The following CPEB3 variants were observed in gnomAD, a reference collection of about 807,000 sequenced individuals.
The protein encoded by CPEB3 is cytoplasmic polyadenylation element-binding protein 3.
Under a neutral mutation model 67.2 loss-of-function variants are expected in CPEB3, and 20 were observed. The ratio of observed to expected loss-of-function variants is 0.30; its 90% CI spans 0.21 to 0.43. CPEB3 has a LOEUF of 0.43. Ranked by LOEUF, CPEB3 falls within the 20% of genes least tolerant of loss-of-function variation. CPEB3 has a pLI of 1.00. For synonymous variants in CPEB3, 376 were observed against 393.1 expected, an observed-to-expected ratio of 0.96 and a Z score of 0.51; for missense variants, 746 against 968.6, an observed-to-expected ratio of 0.77 and a Z score of 3.05.
At chr10:92,158,318 T>C (rs1847302948) in intron 4 of CPEB3, among the ~76,000 whole-genome samples, 2 of 152,296 alleles carry the variant, frequency 1.3e-5, no homozygotes, top group Admixed American at 6.5e-5. Flanking sequence ...ATACAATGGA[T>C]GTTTCAGAAG....
At chr10:92,079,983 G>C (rs1280356574) in intron 9 of CPEB3, among the ~76,000 whole-genome samples, 1 of 151,562 alleles carries the variant, frequency 6.6e-6, no homozygotes, top group East Asian at 1.9e-4. Flanking sequence ...GGTGGATCAC[G>C]AGGTCAGGAG....
chr10:92,138,738 C>T (rs1042434265), intron 6 of CPEB3, among the ~76,000 whole-genome samples: 5 of 152,248 alleles, frequency 3.3e-5, no homozygotes, highest in African/African-American at 4.8e-5. Context: ...AACACTTGTA[C>T]GCTGTTGGTG....
chr10:92,098,915 G>A (rs1844032503), intron 7 of CPEB3, among the ~76,000 whole-genome samples: 1 of 151,726 alleles, frequency 6.6e-6, no homozygotes, highest in Non-Finnish European at 1.5e-5. Flanking sequence ...GGGATTACAG[G>A]CGCCTGCCCC....
chr10:92,258,942 G>A (rs990548012), intron 1 of CPEB3, among the ~76,000 whole-genome samples: 1 of 151,032 alleles, frequency 6.6e-6, no homozygotes, highest in Non-Finnish European at 1.5e-5. Context: ...ACAGGCACGA[G>A]CCACCACGCC....
At chr10:92,254,353 A>AAT (rs1419272415) in intron 1 of CPEB3, among the ~76,000 whole-genome samples, 3 of 152,194 alleles carry the variant, frequency 2.0e-5, no homozygotes, top group African/African-American at 4.8e-5. Flanking sequence ...AAATGTTAAA[A>AAT]GCTAAGGCAA....
chr10:92,053,544 CTT>C (rs774865830), intron 9 of CPEB3, among the ~76,000 whole-genome samples: 9 of 108,054 alleles, frequency 8.3e-5, no homozygotes, highest in Admixed American at 9.8e-5. Flanking sequence ...TTTTCTTTTT[CTT>C]TTTTTTTTTT....
chr10:92,257,927 G>A (rs981110641), intron 1 of CPEB3, among the ~76,000 whole-genome samples: 6 of 151,570 alleles, frequency 4.0e-5, no homozygotes, highest in African/African-American at 2.4e-5. Context: ...ATGGGGTTTC[G>A]CCATGTTGGC....
chr10:92,192,737 T>A lies in CPEB3; in HGVS notation c.1006-101A>T, dbSNP rs961220212. On this transcript the variant is annotated intron_variant, in intron 2 of 9. Transcript: ENST00000265997. Reference sequence around the variant, plus strand: ...TGTGGATTGATGACATGAATGAAAGTTACAGAGAGCCCCAACAGCATACAG... The same window carrying A: ...TGTGGATTGATGACATGAATGAAAGATACAGAGAGCCCCAACAGCATACAG... 3.6e-6 allele frequency: 3 copies of A among 822,334 alleles called. No homozygotes were observed. The African/African-American group carries it at 5.2e-5, about 14-fold the overall frequency. The allele number at this position is 822,334 out of a possible 1,614,324, so 50.9% of individuals were successfully genotyped here. A position where few individuals can be genotyped will look rare whatever the true frequency, so the allele number is the denominator to read the frequency against.
chr10:92,099,071 C>G (rs529936377), intron 7 of CPEB3, among the ~76,000 whole-genome samples: 22 of 151,586 alleles, frequency 1.5e-4, no homozygotes, highest in Admixed American at 5.9e-4. Flanking sequence ...CATGCCTAGC[C>G]CAGTTTGAAA....
At chr10:92,134,020 AAAT>A (rs1845970720) in intron 6 of CPEB3, among the ~76,000 whole-genome samples, 1 of 152,194 alleles carries the variant, frequency 6.6e-6, no homozygotes, top group Admixed American at 6.5e-5. Flanking sequence ...ACATATCTCA[AAAT>A]AATAAGAGCT....
rs1176273564 is a variant in CPEB3 at position 92,239,691 on chromosome 10, C to T, written c.660G>A (p.Pro220=). The T allele has an allele frequency of 6.4e-7, 1 of 1,570,456 alleles. No homozygotes were observed. The highest frequency in any genetic ancestry group is 1.8e-5 in the Admixed American group (1 of 54,442). Residue 220 remains proline, a synonymous_variant, in exon 2 of 10, where the codon CCG becomes CCA. Coordinates refer to ENST00000265997, the MANE Select transcript of CPEB3 (RefSeq NM_014912.5). The surrounding 1 kb of genome is among the most constrained non-coding windows in gnomAD (Gnocchi z 6.0). Reference sequence around the variant, plus strand: ...CGGCTGCAACCGCCGAAGACGAGGACGGCTTGCTGGTCATGATGGGCTGGT... The same window carrying T: ...CGGCTGCAACCGCCGAAGACGAGGATGGCTTGCTGGTCATGATGGGCTGGT... The part of the protein sequence containing the change: ...YGHQPIMTSK[P]SSSSAVAAAA...
In CPEB3 at chr10:92,289,499, G is replaced by A. The variant is rs186770056; in HGVS notation, c.-12+1427C>T. On this transcript the variant is annotated intron_variant, in intron 1 of 9. Transcript: ENST00000265997. ...GGAGCTTGCAGTGAGTCAAGACAGC[G>A]CCACTGCACTCCAGCCTGGGCAACA... Among the ~76,000 whole-genome samples the A allele has an allele frequency of 3.7e-3, 561 of 151,714 alleles. 3 individuals are homozygous for A. The highest frequency in any genetic ancestry group is 0.013 in the African/African-American group (523 of 41,326).
intron 1 of CPEB3, among the ~76,000 whole-genome samples, chr10:92,286,928 T>C (rs896635266): frequency 3.3e-4 from 50 of 152,220 alleles, no homozygotes; most frequent in Non-Finnish European, 5.9e-4. Flanking sequence ...CATTACAGAA[T>C]TATTAAAATA....
intron 4 of CPEB3, among the ~76,000 whole-genome samples, chr10:92,161,560 A>G (rs1451784968): frequency 2.0e-5 from 3 of 152,050 alleles, no homozygotes; most frequent in Non-Finnish European, 4.4e-5. Context: ...GGCATGAGCC[A>G]CCGCGCCCAG....
At chr10:92,143,418 T>C (rs1846532741) in intron 5 of CPEB3, among the ~76,000 whole-genome samples, 2 of 152,210 alleles carry the variant, frequency 1.3e-5, no homozygotes, top group Non-Finnish European at 2.9e-5. Flanking sequence ...GTGACTTCTA[T>C]GTCAAATAGA....
intron 4 of CPEB3, among the ~76,000 whole-genome samples, chr10:92,171,226 C>G (rs1847986259): frequency 6.6e-6 from 1 of 152,142 alleles, no homozygotes; most frequent in Admixed American, 6.5e-5. Flanking sequence ...TCATATCAGC[C>G]CTGCCCTGAT....
At chr10:92,113,584 A>G (rs1460697820) in intron 6 of CPEB3, among the ~76,000 whole-genome samples, 4 of 152,202 alleles carry the variant, frequency 2.6e-5, no homozygotes, top group African/African-American at 9.6e-5. Flanking sequence ...CACATCAAAA[A>G]GGCCTGGTGA....
chr10:92,183,410 T>C (rs1006091066), intron 3 of CPEB3, among the ~76,000 whole-genome samples: 2 of 152,164 alleles, frequency 1.3e-5, no homozygotes, highest in African/African-American at 4.8e-5. Context: ...GAACCTATAA[T>C]AGGAAAAACT....
At chr10:92,069,672 T>A (rs1313683099) in intron 9 of CPEB3, among the ~76,000 whole-genome samples, 2 of 152,308 alleles carry the variant, frequency 1.3e-5, no homozygotes, top group East Asian at 3.9e-4. Context: ...CCCAAAGTGC[T>A]GGGATTACAG....
Sources: gnomAD v4.1 joint callset for allele counts (sites outside exome capture counted in the v4.1 genomes callset) on GRCh38, gnomAD v4.1.1 for gene constraint, Gnocchi (gnomAD v3.1) non-coding constraint, MANE v1.5 for transcripts, NCBI Gene and HGNC (gene_info 2026-07-23, HGNC 2026-07-21) for gene names.